Variants in SSBP2 observed in about 807,000 individuals in gnomAD.
The protein encoded by SSBP2 is single stranded DNA binding protein 2.
A neutral mutation model predicts 61.8 loss-of-function variants in SSBP2; 17 were observed. That is an observed-to-expected ratio of 0.28 (90% CI 0.19 to 0.41). The LOEUF is 0.41. Among genes scored for constraint, SSBP2 ranks in the 10% least tolerant of loss-of-function variants. The pLI, the probability that SSBP2 is intolerant of heterozygous loss-of-function variation, is 1.00. For synonymous variants in SSBP2, 139 were observed against 141.3 expected (o/e 0.98, Z 0.12); for missense variants, 310 against 458.7 (o/e 0.68, Z 2.96).
At chr5:81,575,260 T>C (rs1156477123) in intron 4 of SSBP2, among the ~76,000 whole-genome samples, 1 of 152,120 alleles carries the variant, frequency 6.6e-6, no homozygotes, top group Non-Finnish European at 1.5e-5. Context: ...AGAGCGAGAC[T>C]TCGTCTCAAA....
intron 4 of SSBP2, among the ~76,000 whole-genome samples, chr5:81,611,575 T>C (rs1745446279): frequency 6.6e-6 from 1 of 152,162 alleles, no homozygotes; most frequent in African/African-American, 2.4e-5. Context: ...TATCATGTTT[T>C]TTAAATTTTT....
intron 6 of SSBP2, among the ~76,000 whole-genome samples, chr5:81,487,700 A>C (rs1346456978): frequency 1.3e-5 from 2 of 151,748 alleles, no homozygotes; most frequent in African/African-American, 4.8e-5. Flanking sequence ...ACATTATGTA[A>C]TGATTATCAC....
chr5:81,526,083 C>T (rs950172260), intron 4 of SSBP2, among the ~76,000 whole-genome samples: 2 of 151,864 alleles, frequency 1.3e-5, no homozygotes, highest in Non-Finnish European at 2.9e-5. Context: ...AAAGTTTACA[C>T]AAAAAAGCAC....
intron 1 of SSBP2, among the ~76,000 whole-genome samples, chr5:81,665,674 T>TAG (rs1751053141): frequency 1.3e-5 from 2 of 151,976 alleles, no homozygotes; most frequent in South Asian, 2.1e-4. Context: ...TTTATTATTA[T>TAG]TAGTAGTAGT....
chr5:81,501,126 G>T (rs937431793), intron 5 of SSBP2, among the ~76,000 whole-genome samples: 2 of 146,108 alleles, frequency 1.4e-5, no homozygotes, highest in South Asian at 4.5e-4. Context: ...CAGGAGAATT[G>T]CTTGAACCCG....
At chr5:81,653,170 T>C (rs1749902576) in intron 1 of SSBP2, among the ~76,000 whole-genome samples, 2 of 152,126 alleles carry the variant, frequency 1.3e-5, no homozygotes, top group South Asian at 2.1e-4. Context: ...ATTGTTCAAC[T>C]CCCACTTATG....
intron 1 of SSBP2, among the ~76,000 whole-genome samples, chr5:81,729,329 C>T (rs751119003): frequency 3.3e-5 from 5 of 151,992 alleles, no homozygotes; most frequent in South Asian, 2.1e-4. Flanking sequence ...AAAGAAATAA[C>T]GTGAAGATAG....
intron 4 of SSBP2, among the ~76,000 whole-genome samples, chr5:81,539,691 C>T (rs569470904): frequency 1.3e-5 from 2 of 152,286 alleles, no homozygotes; most frequent in Admixed American, 6.5e-5. Flanking sequence ...GACCTTCCAA[C>T]AGCAAAAAGA....
At chr5:81,431,468 TAC>T (rs899591190) in intron 15 of SSBP2, among the ~76,000 whole-genome samples, 3 of 152,038 alleles carry the variant, frequency 2.0e-5, no homozygotes, top group Admixed American at 1.3e-4. Context: ...CATATATATA[TAC>T]ACACACACAT....
intron 4 of SSBP2, among the ~76,000 whole-genome samples, chr5:81,544,756 C>A (rs1771597893): frequency 6.6e-6 from 1 of 152,150 alleles, no homozygotes; most frequent in African/African-American, 2.4e-5. Flanking sequence ...CTCACTAAAC[C>A]TGTTTTTGCT....
In SSBP2 at chr5:81,594,318, A is replaced by T. The variant is rs1268338863; in HGVS notation, c.282+21155T>A. Reference sequence around the variant, plus strand: ...TATCCTAAATATATAGGCACCCAATACAGGAGCACCCAGATTCATAAAGCA... The same window carrying T: ...TATCCTAAATATATAGGCACCCAATTCAGGAGCACCCAGATTCATAAAGCA... On this transcript the variant is annotated intron_variant, in intron 4 of 16. Coordinates refer to ENST00000320672, the MANE Select transcript of SSBP2 (RefSeq NM_012446.5). 3.9e-5 allele frequency among the ~76,000 whole-genome samples: 6 copies of T among 152,190 alleles called. No individual in the cohort carries two copies. The East Asian group carries it at 9.6e-4, about 24-fold the overall frequency.
chr5:81,522,405 A>G (rs1769561590), intron 4 of SSBP2, among the ~76,000 whole-genome samples: 1 of 152,026 alleles, frequency 6.6e-6, no homozygotes, highest in African/African-American at 2.4e-5. Context: ...TTTAAATACA[A>G]TTTTTATAAA....
chr5:81,583,435 C>A (rs1421210153), intron 4 of SSBP2, among the ~76,000 whole-genome samples: 1 of 151,898 alleles, frequency 6.6e-6, no homozygotes, highest in East Asian at 1.9e-4. Context: ...TGAGACCATC[C>A]TGGCTAACAC....
At chr5:81,508,748 T>C (rs1282198544) in intron 5 of SSBP2, among the ~76,000 whole-genome samples, 1 of 152,170 alleles carries the variant, frequency 6.6e-6, no homozygotes, top group African/African-American at 2.4e-5. Flanking sequence ...GCTTGTTCTG[T>C]AACATAAACA....
intron 1 of SSBP2, among the ~76,000 whole-genome samples, chr5:81,728,861 T>C (rs998734766): frequency 6.6e-6 from 1 of 152,214 alleles, no homozygotes; most frequent in Non-Finnish European, 1.5e-5. Flanking sequence ...TGAGGCCCTA[T>C]GCAATGCTAT....
chr5:81,691,798 A>G (rs898495729), intron 1 of SSBP2, among the ~76,000 whole-genome samples: 1 of 152,230 alleles, frequency 6.6e-6, no homozygotes, highest in African/African-American at 2.4e-5. Context: ...ATGAACACTG[A>G]TGTAAACATC....
chr5:81,664,795 A>T (rs1750975074), intron 1 of SSBP2, among the ~76,000 whole-genome samples: 1 of 152,166 alleles, frequency 6.6e-6, no homozygotes, highest in Non-Finnish European at 1.5e-5. Context: ...GTGTTTTATT[A>T]AAAAGATCCT....
At chr5:81,681,475 G>A (rs1469739018) in intron 1 of SSBP2, among the ~76,000 whole-genome samples, 2 of 147,496 alleles carry the variant, frequency 1.4e-5, no homozygotes, top group Non-Finnish European at 1.5e-5. Context: ...AGCCAAGATC[G>A]TACCACTGCA....
At chr5:81,687,738 G>A (rs1752923358) in intron 1 of SSBP2, among the ~76,000 whole-genome samples, 1 of 152,198 alleles carries the variant, frequency 6.6e-6, no homozygotes. Flanking sequence ...GACATTTCTA[G>A]ACACATCCTG....
Sources: allele counts gnomAD v4.1 joint callset (sites outside exome capture counted in the v4.1 genomes callset), GRCh38; gene constraint gnomAD v4.1.1; transcripts MANE v1.5; gene names NCBI Gene and HGNC (gene_info 2026-07-23, HGNC 2026-07-21).